The following MAMLD1 variants were observed in gnomAD, a reference collection of about 807,000 sequenced individuals.
MAMLD1 encodes mastermind-like domain-containing protein 1.
In MAMLD1, 14 loss-of-function variants were observed where a neutral mutation model predicts 45.0. The ratio of observed to expected loss-of-function variants is 0.31; its 90% CI spans 0.21 to 0.49. MAMLD1 has a LOEUF of 0.49. Ranked by LOEUF, MAMLD1 falls within the 20% of genes least tolerant of loss-of-function variation. The pLI is 0.99. For missense variants in MAMLD1, 543 were observed against 603.6 expected, an observed-to-expected ratio of 0.90 and a Z score of 1.05; for synonymous variants, 254 against 247.8, an observed-to-expected ratio of 1.02 and a Z score of -0.24.
chrX:150,509,824 C>A, intron 6 of MAMLD1, 138 bp from the exon 7 acceptor site: 1 of 526,783 alleles, frequency 1.9e-6, no homozygotes, highest in Non-Finnish European at 3.4e-6. Flanking sequence ...GTGGGGCATG[C>A]ATGCGAGTGT....
chrX:150,462,468 C>T (rs2036073842), intron 2 of MAMLD1, among the ~76,000 whole-genome samples: 1 of 111,795 alleles, frequency 8.9e-6, no homozygotes, highest in Non-Finnish European at 1.9e-5. Context: ...CCTGGTAGTA[C>T]TCTCTAATAG....
chrX:150,467,172 A>T (rs2036250988), intron 3 of MAMLD1, among the ~76,000 whole-genome samples: 1 of 112,291 alleles, frequency 8.9e-6, no homozygotes, highest in Admixed American at 9.4e-5. Flanking sequence ...TCTATTTCAT[A>T]CATTTCTATT....
intron 1 of MAMLD1, among the ~76,000 whole-genome samples, chrX:150,415,473 T>C (rs2034226215): frequency 8.9e-6 from 1 of 112,646 alleles, no homozygotes; most frequent in South Asian, 3.7e-4. Flanking sequence ...GTTTGTCTCT[T>C]TTCTATACCT....
chrX:150,382,785 A>G (rs909094026), intron 1 of MAMLD1, among the ~76,000 whole-genome samples: 38 of 111,177 alleles, frequency 3.4e-4, no homozygotes, highest in Admixed American at 9.6e-4. Context: ...ATATATTCTT[A>G]TAAATGTATT....
intron 1 of MAMLD1, among the ~76,000 whole-genome samples, chrX:150,375,823 G>A (rs2064336): frequency 0.35 from 38,498 of 110,813 alleles, 5,183 homozygotes; most frequent in African/African-American, 0.46. Context: ...GTGCAAGTCA[G>A]TTGAAAGCAG....
At chrX:150,393,721 A>G (rs1940349491) in intron 1 of MAMLD1, among the ~76,000 whole-genome samples, 1 of 112,169 alleles carries the variant, frequency 8.9e-6, no homozygotes, top group South Asian at 3.7e-4. Context: ...CTTATTTGCC[A>G]TTTGTGTATC....
Position 150,469,935 on chromosome X carries a change from C to G in MAMLD1, c.362C>G (p.Ala121Gly). The G allele has an allele frequency of 2.5e-6, 3 of 1,211,982 alleles. No homozygotes were observed. The highest frequency in any genetic ancestry group is 3.3e-6 in the Non-Finnish European group (3 of 895,551). ...PPLTINPSPA[A>G]MGVAGQSLLL... ...TTGACAATAAATCCTAGCCCTGCGG[C>G]TATGGGAGTGGCTGGCCAGTCATTA... is the stretch of plus-strand genomic sequence containing the variant. Residue 121 changes from alanine (A) to glycine (G), a missense_variant, in exon 4 of 8, where the codon GCT becomes GGT. By Grantham distance (60) the Ala-to-Gly change is moderately conservative (BLOSUM62 0). Coordinates refer to ENST00000370401, the MANE Select transcript of MAMLD1 (RefSeq NM_005491.5).
At chrX:150,445,082 G>A (rs980718626) in intron 1 of MAMLD1, among the ~76,000 whole-genome samples, 1 of 112,265 alleles carries the variant, frequency 8.9e-6, no homozygotes, top group Non-Finnish European at 1.9e-5. Flanking sequence ...TCAGAGAACA[G>A]AGGAAGTTTT....
At chrX:150,417,436 T>A (rs1266814717) in intron 1 of MAMLD1, among the ~76,000 whole-genome samples, 30 of 106,214 alleles carry the variant, frequency 2.8e-4, no homozygotes, top group African/African-American at 1.0e-3. Context: ...TGGTTCCAAG[T>A]CTTTGCTATT....
chrX:150,480,662 A>G (rs1223475521), intron 5 of MAMLD1, among the ~76,000 whole-genome samples: 3 of 112,198 alleles, frequency 2.7e-5, no homozygotes, highest in Non-Finnish European at 5.6e-5. Context: ...CCTTTACCCC[A>G]TGTGAACCAA....
chrX:150,397,255 A>T (rs183035881), intron 1 of MAMLD1, among the ~76,000 whole-genome samples: 1 of 111,880 alleles, frequency 8.9e-6, no homozygotes, highest in African/African-American at 3.2e-5. Context: ...TAGCAAAATT[A>T]AAAAACTTGT....
chrX:150,436,983 T>C (rs1222233321), intron 1 of MAMLD1, among the ~76,000 whole-genome samples: 1 of 110,689 alleles, frequency 9.0e-6, no homozygotes, highest in Non-Finnish European at 1.9e-5. Context: ...TGGGAGATTT[T>C]AGTGGGGCAA....
At chrX:150,361,926 G>A (rs2031013506), upstream of MAMLD1, among the ~76,000 whole-genome samples, 1 of 112,953 alleles carries the variant, frequency 8.9e-6, no homozygotes, top group Non-Finnish European at 1.9e-5. Flanking sequence ...GCTTGGGCGG[G>A]AGCATCGCGT....
In MAMLD1 at chrX:150,403,827, A is replaced by AAGAG. The variant is rs1178451790; in HGVS notation, c.-64+40313_-64+40316dup. Among the ~76,000 whole-genome samples the AAGAG allele has an allele frequency of 3.0e-4, 31 of 103,108 alleles. No homozygotes were observed. In the South Asian group the frequency reaches 3.6e-3, roughly 12 times the overall value. 89.5% of individuals were successfully genotyped at this position (103,108 alleles called of 115,157 possible). A position where few individuals can be genotyped will look rare whatever the true frequency, so the allele number is the denominator to read the frequency against. ...AAAGGAAGAAAGGAAGAAAGAAAGAAAGAGAGAGAGAGAGAGAGAAAGAGA... is the reference window on the plus strand; with the variant it reads ...AAAGGAAGAAAGGAAGAAAGAAAGAAAGAGAGAGAGAGAGAGAGAGAGAAAGAGA... On this transcript the variant is annotated intron_variant, in intron 1 of 7. Coordinates refer to ENST00000370401, the MANE Select transcript of MAMLD1 (RefSeq NM_005491.5).
intron 2 of MAMLD1, among the ~76,000 whole-genome samples, chrX:150,457,954 AT>A (rs2035922609): frequency 1.8e-5 from 2 of 111,563 alleles, no homozygotes; most frequent in Admixed American, 9.5e-5. Flanking sequence ...TTTTACCTCA[AT>A]TTAAAAAGAG....
intron 1 of MAMLD1, among the ~76,000 whole-genome samples, chrX:150,440,966 T>A (rs1311065431): frequency 9.6e-6 from 1 of 104,671 alleles, no homozygotes; most frequent in Non-Finnish European, 1.9e-5. Flanking sequence ...TTAATAAAAA[T>A]TATTAAATAT....
intron 1 of MAMLD1, among the ~76,000 whole-genome samples, chrX:150,394,009 G>A (rs782096953): frequency 9.1e-6 from 1 of 109,947 alleles, no homozygotes; most frequent in Non-Finnish European, 1.9e-5. Flanking sequence ...CACATCCGGG[G>A]TGATTTAAGT....
chrX:150,370,205 T>C (rs2031857474), intron 1 of MAMLD1, among the ~76,000 whole-genome samples: 1 of 109,738 alleles, frequency 9.1e-6, no homozygotes, highest in African/African-American at 3.3e-5. Context: ...ATTCCCATCA[T>C]ACACCTCTCA....
intron 1 of MAMLD1, among the ~76,000 whole-genome samples, chrX:150,415,023 C>G (rs2034215273): frequency 8.9e-6 from 1 of 111,962 alleles, no homozygotes; most frequent in Non-Finnish European, 1.9e-5. Flanking sequence ...TGGGCTGAGA[C>G]TTGAACCCAG....
Sources: allele counts gnomAD v4.1 joint callset (sites outside exome capture counted in the v4.1 genomes callset), GRCh38; gene constraint gnomAD v4.1.1; transcripts MANE v1.5; gene names NCBI Gene and HGNC (gene_info 2026-07-23, HGNC 2026-07-21).